Variants in DYRK1A observed in about 807,000 individuals in gnomAD.
DYRK1A encodes the protein dual specificity tyrosine phosphorylation regulated kinase 1A, also known as dual specificity tyrosine-phosphorylation-regulated kinase 1A.
In DYRK1A, 9 loss-of-function variants were observed where a neutral mutation model predicts 79.7. The ratio of observed to expected loss-of-function variants is 0.11; its 90% confidence interval spans 0.07 to 0.20. DYRK1A has a LOEUF of 0.20. Ranked by LOEUF, DYRK1A falls within the 10% of genes least tolerant of loss-of-function variation. The probability of loss-of-function intolerance (pLI) is 1.00; values close to 1 mark genes in which losing one functional copy is unlikely to be tolerated. For synonymous variants in DYRK1A, 349 were observed against 329.7 expected (o/e 1.06, Z -0.63); for missense variants, 622 against 956.0 (o/e 0.65, Z 4.61).
At chr21:37,445,271 A>G (rs891837621) in intron 2 of DYRK1A, among the ~76,000 whole-genome samples, 1 of 152,254 alleles carries the variant, frequency 6.6e-6, no homozygotes, top group Non-Finnish European at 1.5e-5. Context: ...GAATAATTCA[A>G]CAAAACAGAA....
intron 1 of DYRK1A, among the ~76,000 whole-genome samples, chr21:37,406,193 C>T (rs573511448): frequency 3.9e-5 from 6 of 152,018 alleles, no homozygotes; most frequent in African/African-American, 9.7e-5. Context: ...TCTGGCATAC[C>T]GTACTTTTTA....
rs1212070701 is a variant in DYRK1A at position 37,479,626 on chromosome 21, T to G, written c.301-1012T>G. Among the ~76,000 whole-genome samples the G allele has an allele frequency of 5.1e-4, 59 of 114,798 alleles. 1 individual carries two copies. The highest frequency in any genetic ancestry group is 3.7e-4 in the Non-Finnish European group (22 of 59,032). The allele number at this position is 114,798 out of a possible 152,430, so 75.3% of individuals were successfully genotyped here. A position where few individuals can be genotyped will look rare whatever the true frequency, so the allele number is the denominator to read the frequency against. ...TTTTTGTTTTTGTTTTTTGTTTTTTTTTTTTTTTTTGGAGACAGAGTCTCA... is the reference window on the plus strand; with the variant it reads ...TTTTTGTTTTTGTTTTTTGTTTTTTGTTTTTTTTTTGGAGACAGAGTCTCA... On this transcript the variant is annotated intron_variant, in intron 4 of 11. Transcript: ENST00000647188.
chr21:37,453,495 G>A (rs991258053), intron 2 of DYRK1A, among the ~76,000 whole-genome samples: 3 of 152,042 alleles, frequency 2.0e-5, no homozygotes, highest in Non-Finnish European at 2.9e-5. Flanking sequence ...TTATGTTTAA[G>A]ACAGAGCTGG....
intron 1 of DYRK1A, among the ~76,000 whole-genome samples, chr21:37,396,261 A>G (rs2049958122): frequency 6.6e-6 from 1 of 152,138 alleles, no homozygotes; most frequent in South Asian, 2.1e-4. Context: ...GAGAAGTAGA[A>G]TAGGGTTTCT....
At chr21:37,387,254 C>T (rs1164914119) in intron 1 of DYRK1A, among the ~76,000 whole-genome samples, 3 of 152,196 alleles carry the variant, frequency 2.0e-5, no homozygotes, top group African/African-American at 7.2e-5. Flanking sequence ...CATTAAGCCA[C>T]CTATCACACT....
At chr21:37,387,189 C>G (rs1229338447) in intron 1 of DYRK1A, among the ~76,000 whole-genome samples, 1 of 152,192 alleles carries the variant, frequency 6.6e-6, no homozygotes, top group Non-Finnish European at 1.5e-5. Context: ...TTTGTATTTG[C>G]CTTAAGATTT....
rs1248917361 is a variant in DYRK1A at position 37,471,741 on chromosome 21, A to G, written c.11-943A>G. Among the ~76,000 whole-genome samples, 3 of 152,138 alleles carry G rather than the reference A, an allele frequency of 2.0e-5. No homozygotes were observed. In the East Asian group the frequency reaches 5.8e-4, roughly 29 times the overall value. On this transcript the variant is annotated intron_variant, in intron 2 of 11. Coordinates refer to ENST00000647188, the MANE Select transcript of DYRK1A (RefSeq NM_001347721.2). ...ACCACCATTATTGTGTGTCTTGAAAATGGTAGAAGTCGGAAGTATTTTGCT... is the reference window on the plus strand; with the variant it reads ...ACCACCATTATTGTGTGTCTTGAAAGTGGTAGAAGTCGGAAGTATTTTGCT...
intron 2 of DYRK1A, among the ~76,000 whole-genome samples, chr21:37,449,915 T>C (rs531918999): frequency 2.1e-4 from 32 of 152,284 alleles, no homozygotes; most frequent in South Asian, 2.1e-3. Context: ...GGCTATATGT[T>C]AACCCATAGA....
At chr21:37,492,969 C>A in intron 7 of DYRK1A, 48 bp from the exon 8 acceptor site, 1 of 1,453,138 alleles carries the variant, frequency 6.9e-7, no homozygotes, top group Non-Finnish European at 9.5e-7. Flanking sequence ...CCAATGCTGA[C>A]TGCAGTTTTA....
upstream of DYRK1A, among the ~76,000 whole-genome samples, chr21:37,366,478 C>T (rs961740158): frequency 5.4e-5 from 8 of 149,022 alleles, no homozygotes; most frequent in Non-Finnish European, 7.5e-5. Flanking sequence ...CTCGCCCCCC[C>T]TTCCCCAGCC....
intron 2 of DYRK1A, chr21:37,430,411 T>G: frequency 1.0e-6 from 1 of 985,184 alleles, no homozygotes; most frequent in Non-Finnish European, 1.2e-6. Flanking sequence ...GTCTGGTACA[T>G]TTTAAAAGAT....
chr21:37,442,838 T>A (rs970896774), intron 2 of DYRK1A, among the ~76,000 whole-genome samples: 1 of 152,170 alleles, frequency 6.6e-6, no homozygotes, highest in Non-Finnish European at 1.5e-5. Context: ...AGTACCTGTT[T>A]CTGTTTTTTG....
At chr21:37,484,068 C>T (rs1201541128) in intron 5 of DYRK1A, among the ~76,000 whole-genome samples, 4 of 152,174 alleles carry the variant, frequency 2.6e-5, no homozygotes, top group East Asian at 1.9e-4. Flanking sequence ...AGCTCCGCCC[C>T]GTCAGATCAG....
intron 2 of DYRK1A, among the ~76,000 whole-genome samples, chr21:37,435,865 A>G (rs1194367901): frequency 2.0e-5 from 3 of 152,344 alleles, no homozygotes; most frequent in Admixed American, 6.5e-5. Context: ...TTTGAAGATC[A>G]GGTTGTTATT....
intron 2 of DYRK1A, among the ~76,000 whole-genome samples, chr21:37,444,628 G>GGA (rs79594182): frequency 1 from 152,135 of 152,308 alleles, 75,981 homozygotes; most frequent in Non-Finnish European, 1. Context: ...GATTAGTCAT[G>GGA]GGTGAGGATG....
At chr21:37,464,952 T>A (rs2051974661) in intron 2 of DYRK1A, among the ~76,000 whole-genome samples, 1 of 152,340 alleles carries the variant, frequency 6.6e-6, no homozygotes, top group Non-Finnish European at 1.5e-5. Flanking sequence ...TGGAATCTTA[T>A]CATAGGAAAG....
At chr21:37,453,215 A>T (rs964927956) in intron 2 of DYRK1A, among the ~76,000 whole-genome samples, 2 of 152,190 alleles carry the variant, frequency 1.3e-5, no homozygotes, top group Non-Finnish European at 2.9e-5. Flanking sequence ...AATAAAAAAA[A>T]TTGAGGTATT....
chr21:37,395,317 C>T (rs1338481068), intron 1 of DYRK1A, among the ~76,000 whole-genome samples: 1 of 152,138 alleles, frequency 6.6e-6, no homozygotes, highest in Admixed American at 6.5e-5. Flanking sequence ...TTTTTAGGCC[C>T]TGTATTCTTA....
In DYRK1A at chr21:37,524,024, T is replaced by C. The variant is rs2053952620; in HGVS notation, c.*11493T>C. 6.6e-6 allele frequency: 1 copy of C among 152,304 alleles called. No individual in the cohort carries two copies. Among genetic ancestry groups the C allele is most frequent in the Admixed American group, 6.5e-5 (1 of 15,298 alleles). The allele number at this position is 152,304 out of a possible 1,614,324, so 9.4% of individuals were successfully genotyped here. A position where few individuals can be genotyped will look rare whatever the true frequency, so the allele number is the denominator to read the frequency against. ...ACAACATTTTATTTTTTATTACCAA[T>C]ATATACAAGAAAAGTGGATTTCAAA... On this transcript the variant is annotated 3_prime_UTR_variant, in exon 12 of 12. Coordinates refer to ENST00000647188, the MANE Select transcript of DYRK1A (RefSeq NM_001347721.2).
Sources: gnomAD v4.1 joint callset for allele counts (sites outside exome capture counted in the v4.1 genomes callset) on GRCh38, gnomAD v4.1.1 for gene constraint, MANE v1.5 for transcripts, NCBI Gene and HGNC (gene_info 2026-07-23, HGNC 2026-07-21) for gene names.